The following PTPRK variants were observed in gnomAD, a reference collection of about 807,000 sequenced individuals.
PTPRK encodes the protein receptor-type tyrosine-protein phosphatase kappa.
Under a neutral mutation model 178.0 loss-of-function variants are expected in PTPRK, and 75 were observed. That is an observed-to-expected ratio of 0.42 (90% CI 0.35 to 0.51). The LOEUF (loss-of-function observed/expected upper bound fraction) is 0.51. Among genes scored for constraint, PTPRK ranks in the 20% least tolerant of loss-of-function variants. The pLI is 0.02. For missense variants in PTPRK, 1,441 were observed against 1,797.8 expected, an observed-to-expected ratio of 0.80 and a Z score of 3.59; for synonymous variants, 637 against 620.6, an observed-to-expected ratio of 1.03 and a Z score of -0.39.
intron 13 of PTPRK, among the ~76,000 whole-genome samples, chr6:128,047,009 C>T (rs2114857308): frequency 6.6e-6 from 1 of 152,188 alleles, no homozygotes; most frequent in African/African-American, 2.4e-5. Flanking sequence ...ACAAAGGCAG[C>T]ATCAGACAAA....
At chr6:128,370,030 T>G (rs1021158820) in intron 2 of PTPRK, among the ~76,000 whole-genome samples, 3 of 152,166 alleles carry the variant, frequency 2.0e-5, no homozygotes, top group Non-Finnish European at 4.4e-5. Flanking sequence ...AAAGCTTGAA[T>G]GGACAGGATA....
At chr6:128,077,737 T>A (rs575366733) in intron 11 of PTPRK, among the ~76,000 whole-genome samples, 2 of 152,018 alleles carry the variant, frequency 1.3e-5, no homozygotes, top group Admixed American at 1.3e-4. Flanking sequence ...TGGAAACTTG[T>A]TTAAGTTTTG....
intron 6 of PTPRK, among the ~76,000 whole-genome samples, chr6:128,189,018 T>C (rs1803256255): frequency 6.6e-6 from 1 of 152,082 alleles, no homozygotes; most frequent in Non-Finnish European, 1.5e-5. Flanking sequence ...GTTCCAAGGA[T>C]TAGAATCTAT....
chr6:128,016,352 T>G (rs1779591182), intron 13 of PTPRK, among the ~76,000 whole-genome samples: 1 of 151,846 alleles, frequency 6.6e-6, no homozygotes, highest in Non-Finnish European at 1.5e-5. Flanking sequence ...TGCAGAAAAC[T>G]TAGCAAGGCC....
intron 7 of PTPRK, among the ~76,000 whole-genome samples, chr6:128,113,565 G>A (rs1253195252): frequency 1.3e-5 from 2 of 151,850 alleles, no homozygotes; most frequent in Non-Finnish European, 2.9e-5. Context: ...TAAATAATGT[G>A]GAGAAAATTT....
intron 7 of PTPRK, among the ~76,000 whole-genome samples, chr6:128,178,485 A>G (rs1449297031): frequency 6.6e-6 from 1 of 151,926 alleles, no homozygotes; most frequent in Non-Finnish European, 1.5e-5. Context: ...TGGACAATTC[A>G]CATATTTGAA....
chr6:128,413,121 G>A (rs1319219286), intron 1 of PTPRK, among the ~76,000 whole-genome samples: 1 of 152,152 alleles, frequency 6.6e-6, no homozygotes, highest in African/African-American at 2.4e-5. Flanking sequence ...CCAGCTATTT[G>A]AGAATATCTG....
At chr6:128,393,759 CTT>C (rs1839928451) in intron 2 of PTPRK, among the ~76,000 whole-genome samples, 3 of 152,108 alleles carry the variant, frequency 2.0e-5, no homozygotes, top group Admixed American at 1.3e-4. Flanking sequence ...TATTTTATAT[CTT>C]TTGTTCTAAT....
intron 5 of PTPRK, among the ~76,000 whole-genome samples, chr6:128,224,027 T>C (rs572660137): frequency 2.6e-5 from 4 of 152,342 alleles, no homozygotes; most frequent in African/African-American, 7.2e-5. Flanking sequence ...AAGGTAACAA[T>C]TGAAAACATT....
At chr6:128,507,438 G>A (rs188381246) in intron 1 of PTPRK, among the ~76,000 whole-genome samples, 1 of 152,236 alleles carries the variant, frequency 6.6e-6, no homozygotes, top group African/African-American at 2.4e-5. Context: ...TGGTAAGACC[G>A]TGAGTGTACT....
In PTPRK at chr6:128,355,428, T is replaced by C. The variant is rs751652485; in HGVS notation, c.224-33118A>G. Among the ~76,000 whole-genome samples, 14 of 152,304 alleles carry C rather than the reference T, an allele frequency of 9.2e-5. No individual in the cohort carries two copies. In the East Asian group the frequency reaches 2.1e-3, roughly 23 times the overall value. On this transcript the variant is annotated intron_variant, in intron 2 of 29. Coordinates refer to ENST00000368226, the MANE Select transcript of PTPRK (RefSeq NM_002844.4). ...TTCCTTATCCAGAGAAAAAAATATTTTTTGTGCCTTTAACACACATTCAAT... is the reference window on the plus strand; with the variant it reads ...TTCCTTATCCAGAGAAAAAAATATTCTTTGTGCCTTTAACACACATTCAAT...
At chr6:128,050,511 T>A (rs1210255604) in intron 13 of PTPRK, among the ~76,000 whole-genome samples, 1 of 152,240 alleles carries the variant, frequency 6.6e-6, no homozygotes, top group Non-Finnish European at 1.5e-5. Context: ...TCAACTGCAA[T>A]GAACATAACT....
chr6:128,154,074 AAAG>A (rs1333955227), intron 7 of PTPRK, among the ~76,000 whole-genome samples: 2 of 151,740 alleles, frequency 1.3e-5, no homozygotes, highest in South Asian at 2.1e-4. Flanking sequence ...CAGAAAAATT[AAAG>A]AAGAAGGATA....
chr6:128,178,735 C>A (rs189855131), intron 7 of PTPRK, among the ~76,000 whole-genome samples: 1 of 151,678 alleles, frequency 6.6e-6, no homozygotes, highest in African/African-American at 2.4e-5. Flanking sequence ...TGCTTCTAGT[C>A]CTTCCTTAGC....
At chr6:128,141,850 C>A (rs1297425635) in intron 7 of PTPRK, among the ~76,000 whole-genome samples, 1 of 151,778 alleles carries the variant, frequency 6.6e-6, no homozygotes, top group Non-Finnish European at 1.5e-5. Context: ...CATATAGAAG[C>A]CAGAAGAATA....
At chr6:128,361,484 C>T (rs1394540722) in intron 2 of PTPRK, among the ~76,000 whole-genome samples, 1 of 152,082 alleles carries the variant, frequency 6.6e-6, no homozygotes, top group Admixed American at 6.6e-5. Flanking sequence ...TCATGAGTTG[C>T]CTAATGATGA....
Position 128,242,658 on chromosome 6 carries a change from G to A in PTPRK, c.496-56C>T, listed in dbSNP as rs146320710. 143 of 1,588,986 alleles carry A rather than the reference G, an allele frequency of 9.0e-5. No homozygotes were observed. The East Asian group carries it at 3.1e-3, about 34-fold the overall frequency. On this transcript the variant is annotated intron_variant, in intron 3 of 29. Coordinates refer to ENST00000368226, the MANE Select transcript of PTPRK (RefSeq NM_002844.4). The stretch of plus-strand genomic sequence containing the variant: ...CAATAGTTTTCAAGGAATTTCTACA[G>A]TGGAGGGGAATAGCTAAATATATGC...
At chr6:128,042,128 A>C (rs1006519602) in intron 13 of PTPRK, among the ~76,000 whole-genome samples, 1 of 152,000 alleles carries the variant, frequency 6.6e-6, no homozygotes, top group Non-Finnish European at 1.5e-5. Context: ...TATTTCTAAC[A>C]GTCTGTTGAA....
chr6:128,395,958 T>C (rs2128367809), intron 2 of PTPRK, among the ~76,000 whole-genome samples: 1 of 152,308 alleles, frequency 6.6e-6, no homozygotes, highest in South Asian at 2.1e-4. Context: ...ATATTTACCA[T>C]ATTCATTTAC....
Sources: gnomAD v4.1 joint callset for allele counts (sites outside exome capture counted in the v4.1 genomes callset) on GRCh38, gnomAD v4.1.1 for gene constraint, MANE v1.5 for transcripts, NCBI Gene and HGNC (gene_info 2026-07-23, HGNC 2026-07-21) for gene names.